The following MIR2052HG variants were observed in gnomAD, a reference collection of about 807,000 sequenced individuals.
MIR2052HG encodes the protein MIR2052 host gene.
intron 2 of MIR2052HG, among the ~76,000 whole-genome samples, chr8:74,641,215 C>A (rs1379982442): frequency 6.6e-6 from 1 of 152,120 alleles, no homozygotes; most frequent in Non-Finnish European, 1.5e-5. Context: ...ATTCCAAATG[C>A]CAATTTCTTA....
At chr8:74,729,050 T>C (rs1809664562) in intron 4 of MIR2052HG, among the ~76,000 whole-genome samples, 1 of 152,230 alleles carries the variant, frequency 6.6e-6, no homozygotes, top group South Asian at 2.1e-4. Context: ...TAAAGAACTC[T>C]AAGTTTTAAG....
chr8:74,680,221 C>A (rs1809107821), intron 2 of MIR2052HG, among the ~76,000 whole-genome samples: 1 of 151,876 alleles, frequency 6.6e-6, no homozygotes, highest in Non-Finnish European at 1.5e-5. Flanking sequence ...TAGGAATAAA[C>A]CTAAAAATGA....
At chr8:74,715,757 A>G (rs1352904661) in intron 4 of MIR2052HG, among the ~76,000 whole-genome samples, 1 of 152,196 alleles carries the variant, frequency 6.6e-6, no homozygotes, top group African/African-American at 2.4e-5. Flanking sequence ...ATTTGCAAAA[A>G]AGTAATGTGT....
chr8:74,713,756 A>T (rs1809493593), intron 4 of MIR2052HG, among the ~76,000 whole-genome samples: 1 of 152,170 alleles, frequency 6.6e-6, no homozygotes, highest in South Asian at 2.1e-4. Flanking sequence ...TTGCATTATA[A>T]ATTTTGCATT....
chr8:74,656,289 G>C (rs985343766), intron 2 of MIR2052HG, among the ~76,000 whole-genome samples: 3 of 152,074 alleles, frequency 2.0e-5, no homozygotes, highest in Non-Finnish European at 4.4e-5. Flanking sequence ...AAATGTGAGG[G>C]CATGAGATTT....
At chr8:74,737,364 G>A (rs1809778503) in intron 4 of MIR2052HG, among the ~76,000 whole-genome samples, 1 of 152,144 alleles carries the variant, frequency 6.6e-6, no homozygotes, top group South Asian at 2.1e-4. Flanking sequence ...TCCTGCCCTT[G>A]AGCTGCTGCT....
At chr8:74,692,841 T>A (rs1809252895) in intron 2 of MIR2052HG, among the ~76,000 whole-genome samples, 1 of 152,204 alleles carries the variant, frequency 6.6e-6, no homozygotes, top group South Asian at 2.1e-4. Context: ...CTTTGCCAAC[T>A]CTGTCAAGGT....
intron 1 of MIR2052HG, among the ~76,000 whole-genome samples, chr8:74,612,066 G>A (rs1455398476): frequency 1.1e-5 from 1 of 87,476 alleles, no homozygotes; most frequent in African/African-American, 4.8e-5. Flanking sequence ...TGCACCACAG[G>A]TGTAAAACGC....
At chr8:74,697,001 C>T (rs1360145855) in intron 2 of MIR2052HG, among the ~76,000 whole-genome samples, 7 of 151,822 alleles carry the variant, frequency 4.6e-5, no homozygotes, top group Non-Finnish European at 8.8e-5. Context: ...ACCGTAACAC[C>T]AAAACCAGGA....
intron 2 of MIR2052HG, among the ~76,000 whole-genome samples, chr8:74,654,682 C>A (rs1808786013): frequency 6.6e-6 from 1 of 152,072 alleles, no homozygotes; most frequent in Non-Finnish European, 1.5e-5. Context: ...TCCAATTAAA[C>A]CATTTTTCTT....
At chr8:74,696,012 A>G (rs1255425680) in intron 2 of MIR2052HG, among the ~76,000 whole-genome samples, 1 of 152,186 alleles carries the variant, frequency 6.6e-6, no homozygotes, top group Non-Finnish European at 1.5e-5. Flanking sequence ...TAACAACTGC[A>G]GAACATACAG....
At chr8:74,696,060 C>T (rs1809292676) in intron 2 of MIR2052HG, among the ~76,000 whole-genome samples, 1 of 152,008 alleles carries the variant, frequency 6.6e-6, no homozygotes, top group South Asian at 2.1e-4. Flanking sequence ...CCAAGATAAA[C>T]CATATAATAG....
intron 2 of MIR2052HG, among the ~76,000 whole-genome samples, chr8:74,694,814 C>A (rs1427783697): frequency 1.3e-5 from 2 of 151,946 alleles, no homozygotes; most frequent in Admixed American, 1.3e-4. Flanking sequence ...AACAAAGCCT[C>A]CAGGAAGTTT....
intron 2 of MIR2052HG, among the ~76,000 whole-genome samples, chr8:74,636,089 T>C (rs550545497): frequency 1.3e-5 from 2 of 152,318 alleles, no homozygotes; most frequent in South Asian, 4.1e-4. Flanking sequence ...AGTTCTTTTT[T>C]CTTTCCATGA....
chr8:74,683,354 C>T (rs1275242480), intron 2 of MIR2052HG, among the ~76,000 whole-genome samples: 2 of 152,044 alleles, frequency 1.3e-5, no homozygotes, highest in African/African-American at 4.8e-5. Flanking sequence ...CCCTGAATTT[C>T]AGAAATATTA....
chr8:74,654,100 G>A (rs1012031785), intron 2 of MIR2052HG, among the ~76,000 whole-genome samples: 1 of 152,194 alleles, frequency 6.6e-6, no homozygotes, highest in African/African-American at 2.4e-5. Context: ...GGTGGAGAGA[G>A]CATTTCTACT....
chr8:74,627,131 A>G (rs2128733532), intron 2 of MIR2052HG, among the ~76,000 whole-genome samples: 1 of 152,306 alleles, frequency 6.6e-6, no homozygotes, highest in African/African-American at 2.4e-5. Flanking sequence ...GCCATCTAGA[A>G]AAATCCTCAG....
intron 2 of MIR2052HG, among the ~76,000 whole-genome samples, chr8:74,664,760 C>T (rs1438939683): frequency 3.3e-5 from 5 of 152,154 alleles, no homozygotes; most frequent in Non-Finnish European, 7.3e-5. Context: ...TCAGGTGATT[C>T]GCCCACCTCA....
At chr8:74,661,311 T>G (rs1490125808) in intron 2 of MIR2052HG, among the ~76,000 whole-genome samples, 1 of 151,560 alleles carries the variant, frequency 6.6e-6, no homozygotes, top group Non-Finnish European at 1.5e-5. Flanking sequence ...CAAGCGATTC[T>G]CCTGCCTCAG....
Sources: gnomAD v4.1 joint callset for allele counts (sites outside exome capture counted in the v4.1 genomes callset) on GRCh38, gnomAD v4.1.1 for gene constraint, MANE v1.5 for transcripts, NCBI Gene and HGNC (gene_info 2026-07-23, HGNC 2026-07-21) for gene names.